The following ATG4C variants were observed in gnomAD, a reference collection of about 807,000 sequenced individuals.
ATG4C encodes the protein cysteine protease ATG4C.
A neutral mutation model predicts 57.6 loss-of-function variants in ATG4C; 56 were observed. The observed-to-expected ratio is 0.97, with a 90% CI of 0.78 to 1.21. The LOEUF is 1.21. Ranked by LOEUF, ATG4C falls within the 50% of genes most tolerant of loss-of-function variation. The pLI, the probability that ATG4C is intolerant of heterozygous loss-of-function variation, is 0.00. For synonymous variants in ATG4C, 157 were observed against 174.1 expected, an observed-to-expected ratio of 0.90 and a Z score of 0.78; for missense variants, 595 against 529.8, an observed-to-expected ratio of 1.12 and a Z score of -1.21.
intron 3 of ATG4C, among the ~76,000 whole-genome samples, chr1:62,811,735 C>T (rs1665090904): frequency 6.6e-6 from 1 of 152,088 alleles, no homozygotes; most frequent in Admixed American, 6.6e-5. Flanking sequence ...TAACATCTAT[C>T]GTTGTGGATT....
intron 1 of ATG4C, among the ~76,000 whole-genome samples, chr1:62,793,151 G>T (rs1389053645): frequency 6.6e-6 from 1 of 151,808 alleles, no homozygotes; most frequent in African/African-American, 2.4e-5. Context: ...CTCCCAAAGT[G>T]CTGGGACTAC....
intron 6 of ATG4C, among the ~76,000 whole-genome samples, chr1:62,824,562 T>C (rs1049667941): frequency 6.6e-6 from 1 of 152,114 alleles, no homozygotes; most frequent in Non-Finnish European, 1.5e-5. Context: ...TAAAATTTTG[T>C]CTATATTTGC....
intron 7 of ATG4C, 28 bp from the exon 8 acceptor site, chr1:62,834,010 C>A: frequency 6.3e-7 from 1 of 1,594,932 alleles, no homozygotes. Context: ...TGCCTCTTGA[C>A]TAAATCTGTA....
intron 3 of ATG4C, among the ~76,000 whole-genome samples, chr1:62,808,179 A>G (rs540119252): frequency 1.2e-4 from 18 of 152,364 alleles, no homozygotes; most frequent in African/African-American, 4.1e-4. Context: ...ACTTTGATAC[A>G]GGGCAGTGCA....
At chr1:62,789,407 T>G (rs1664195179) in intron 1 of ATG4C, among the ~76,000 whole-genome samples, 1 of 152,234 alleles carries the variant, frequency 6.6e-6, no homozygotes, top group Admixed American at 6.5e-5. Context: ...TTCTTACTCC[T>G]ATTTGCACAA....
intron 3 of ATG4C, among the ~76,000 whole-genome samples, chr1:62,807,499 C>G (rs1329460154): frequency 6.6e-6 from 1 of 152,142 alleles, no homozygotes; most frequent in African/African-American, 2.4e-5. Flanking sequence ...ATTCCCAATC[C>G]TCTGGGCAAG....
At chr1:62,817,492 C>T (rs952246899) in intron 4 of ATG4C, among the ~76,000 whole-genome samples, 34 of 152,170 alleles carry the variant, frequency 2.2e-4, no homozygotes, top group African/African-American at 7.2e-4. Flanking sequence ...ACCACAGGTG[C>T]GTGCCACCAT....
At chr1:62,792,395 A>G (rs933404875) in intron 1 of ATG4C, among the ~76,000 whole-genome samples, 1 of 152,224 alleles carries the variant, frequency 6.6e-6, no homozygotes, top group African/African-American at 2.4e-5. Context: ...GGGACATTTA[A>G]TGTAGAAAAG....
chr1:62,804,140 G>A (rs1355204703), intron 2 of ATG4C, among the ~76,000 whole-genome samples: 1 of 149,838 alleles, frequency 6.7e-6, no homozygotes, highest in Middle Eastern at 3.5e-3. Flanking sequence ...AGGCTGGAGT[G>A]TAGTGGTGCA....
chr1:62,802,942 A>G (rs1664731165), intron 1 of ATG4C, among the ~76,000 whole-genome samples: 2 of 152,232 alleles, frequency 1.3e-5, no homozygotes, highest in Non-Finnish European at 2.9e-5. Flanking sequence ...AGATATTTCT[A>G]ATCTTAAAAG....
chr1:62,793,103 G>A (rs1044877603), intron 1 of ATG4C, among the ~76,000 whole-genome samples: 5 of 150,270 alleles, frequency 3.3e-5, no homozygotes, highest in Admixed American at 6.6e-5. Context: ...AGCCAGGATG[G>A]TCTCGATCTC....
chr1:62,847,839 T>G (rs956442996), intron 10 of ATG4C, among the ~76,000 whole-genome samples: 3 of 151,946 alleles, frequency 2.0e-5, no homozygotes, highest in East Asian at 3.9e-4. Context: ...GAGTTGAGAG[T>G]GGAAAACTTG....
intron 3 of ATG4C, among the ~76,000 whole-genome samples, chr1:62,811,489 T>G (rs750887225): frequency 2.0e-5 from 3 of 152,036 alleles, no homozygotes; most frequent in Non-Finnish European, 4.4e-5. Flanking sequence ...ATACCGAAAG[T>G]AAAAAAAATT....
In ATG4C at chr1:62,816,726, A is replaced by C. The variant is rs376896003; in HGVS notation, c.312A>C (p.Thr104=). ...EFPQIEGSAL[T]TDCGWGCTLR... is the part of the protein sequence containing the mutation. ...CTCAAATAGAAGGCTCAGCTTTGAC[A>C]ACAGACTGTGGGTGGGGCTGCACAT... Residue 104 remains threonine, a synonymous_variant, in exon 4 of 11, where the codon ACA becomes ACC. Transcript: ENST00000317868. The C allele has an allele frequency of 2.5e-6, 4 of 1,613,766 alleles. No individual in the cohort carries two copies. The African/African-American group carries it at 5.3e-5, about 22-fold the overall frequency.
chr1:62,823,768 T>A (rs558436358), intron 6 of ATG4C, among the ~76,000 whole-genome samples: 57 of 152,188 alleles, frequency 3.7e-4, no homozygotes, highest in Non-Finnish European at 7.1e-4. Context: ...CATTATCTTT[T>A]TTCCCCATGC....
chr1:62,824,026 T>G (rs1459667012), intron 6 of ATG4C, among the ~76,000 whole-genome samples: 1 of 152,120 alleles, frequency 6.6e-6, no homozygotes, highest in Non-Finnish European at 1.5e-5. Context: ...ATAATATCAA[T>G]GATTGTTGAG....
chr1:62,860,028 A>G (rs897973255), intron 10 of ATG4C, among the ~76,000 whole-genome samples: 5 of 152,152 alleles, frequency 3.3e-5, no homozygotes, highest in Non-Finnish European at 5.9e-5. Flanking sequence ...TTCTTATTCT[A>G]TAAGATTTTT....
chr1:62,816,888 A>G (rs746445440), intron 4 of ATG4C, 80 bp downstream of exon 4: 307 of 1,072,802 alleles, frequency 2.9e-4, no homozygotes, highest in Non-Finnish European at 3.7e-4. Context: ...TCCAGCTTAC[A>G]AACTGCATGA....
chr1:62,841,299 A>G (rs1255875782), intron 9 of ATG4C, 129 bp from the exon 10 acceptor site: 2 of 798,994 alleles, frequency 2.5e-6, no homozygotes, highest in Non-Finnish European at 3.8e-6. Context: ...CGTAGGATGA[A>G]CTAAAACACC....
Sources: allele counts gnomAD v4.1 joint callset (sites outside exome capture counted in the v4.1 genomes callset), GRCh38; gene constraint gnomAD v4.1.1; transcripts MANE v1.5; gene names NCBI Gene and HGNC (gene_info 2026-07-23, HGNC 2026-07-21).